Variants in MSH5 observed in about 807,000 individuals in gnomAD.
MSH5 encodes the protein mutS homolog 5.
A neutral mutation model predicts 107.7 loss-of-function variants in MSH5; 78 were observed. The observed-to-expected ratio is 0.72, with a 90% CI of 0.60 to 0.87. MSH5 has a LOEUF of 0.87. MSH5 is among the 40% of genes least tolerant of loss of function. The pLI, the probability that MSH5 is intolerant of heterozygous loss-of-function variation, is 0.00. For synonymous variants in MSH5, 326 were observed against 399.5 expected (o/e 0.82, Z 2.19); for missense variants, 889 against 1,046.6 (o/e 0.85, Z 2.08).
chr6:31,749,287 G>A (rs1048666825), intron 10 of MSH5, among the ~76,000 whole-genome samples: 1 of 152,046 alleles, frequency 6.6e-6, no homozygotes, highest in Non-Finnish European at 1.5e-5. Context: ...CACGCCTGTA[G>A]TCTCAGCATT....
chr6:31,740,529 C>T lies in MSH5; in HGVS notation c.63C>T (p.Ser21=). 1 of 1,545,772 alleles carries T rather than the reference C, an allele frequency of 6.5e-7. No homozygotes were observed. The highest frequency in any genetic ancestry group is 8.7e-7 in the Non-Finnish European group (1 of 1,145,198). ...TPQGPRPGAA[S]SGFPSPAPVP... is the part of the protein sequence containing the mutation. Reference sequence around the variant, plus strand: ...AGGGACCGAGACCTGGGGCGGCCTCCTCCGGCTTCCCCAGCCCGGCCCCAG... The same window carrying T: ...AGGGACCGAGACCTGGGGCGGCCTCTTCCGGCTTCCCCAGCCCGGCCCCAG... Residue 21 remains serine (S), a synonymous_variant, in exon 2 of 25, where the codon TCC becomes TCT. Transcript: ENST00000375750. The surrounding 1 kb of genome is among the most constrained non-coding windows in gnomAD (Gnocchi z 4.4).
At chr6:31,743,281 C>T in intron 5 of MSH5, 111 bp downstream of exon 5, 1 of 1,142,446 alleles carries the variant, frequency 8.8e-7, no homozygotes, top group Non-Finnish European at 1.3e-6. Flanking sequence ...CATCCTAAAC[C>T]TTTGTGCTCC....
In MSH5 at chr6:31,762,205, G is replaced by A; in HGVS notation, c.2393+20G>A. On this transcript the variant is annotated intron_variant, in intron 24 of 24. Transcript: ENST00000375750. ...GGAAAAGTGCGTATATGGCCCCAGT[G>A]TCTTTACCCTCTCTGCATCTTCTCC... The A allele has an allele frequency of 1.9e-6, 3 of 1,612,488 alleles. No individual in the cohort carries two copies. Among genetic ancestry groups the A allele is most frequent in the South Asian group, 2.2e-5 (2 of 91,042 alleles).
At chr6:31,750,006 C>T (rs906691225) in intron 10 of MSH5, among the ~76,000 whole-genome samples, 1 of 152,118 alleles carries the variant, frequency 6.6e-6, no homozygotes, top group Non-Finnish European at 1.5e-5. Flanking sequence ...TTTAATTACC[C>T]ACACATTCTT....
rs1264263506 is a variant in MSH5 at position 31,740,207 on chromosome 6, C to G, written c.-14+145C>G. On this transcript the variant is annotated intron_variant, in intron 1 of 24. Coordinates refer to ENST00000375750, the MANE Select transcript of MSH5 (RefSeq NM_172166.4). The surrounding 1 kb of genome is among the most constrained non-coding windows in gnomAD (Gnocchi z 4.4). The stretch of plus-strand genomic sequence containing the variant: ...CTCGCCCCACAGGGCCCTCAGACCC[C>G]TTCCTTCCAAAGGGTAACCTCCGCG... 1.2e-5 allele frequency: 5 copies of G among 423,390 alleles called. No individual in the cohort carries two copies. Among genetic ancestry groups the G allele is most frequent in the African/African-American group, 2.1e-5 (1 of 48,044 alleles). The allele number at this position is 423,390 out of a possible 1,614,324, so 26.2% of individuals were successfully genotyped here. A position where few individuals can be genotyped will look rare whatever the true frequency, so the allele number is the denominator to read the frequency against.
At position 31,759,045 on chromosome 6, in the gene MSH5, C is replaced by G; in HGVS notation, c.1327-52C>G. ...AGCTCCCTCTAGGGTGGGGAGGTGTCCAGTAAGTCTCCAAGCAGGAGAGTA... is the reference window on the plus strand; with the variant it reads ...AGCTCCCTCTAGGGTGGGGAGGTGTGCAGTAAGTCTCCAAGCAGGAGAGTA... On this transcript the variant is annotated intron_variant, in intron 15 of 24. Coordinates refer to ENST00000375750, the MANE Select transcript of MSH5 (RefSeq NM_172166.4). The surrounding 1 kb of genome is among the most constrained non-coding windows in gnomAD (Gnocchi z 4.7). 6.5e-7 allele frequency: 1 copy of G among 1,545,380 alleles called. No homozygotes were observed. Among genetic ancestry groups the G allele is most frequent in the Non-Finnish European group, 8.9e-7 (1 of 1,118,726 alleles).
chr6:31,743,450 T>C, intron 5 of MSH5: 2 of 527,574 alleles, frequency 3.8e-6, no homozygotes, highest in East Asian at 3.1e-5. Flanking sequence ...GTTGGAATTC[T>C]CCCCATTAAG....
chr6:31,749,542 A>T (rs932615845), intron 10 of MSH5, among the ~76,000 whole-genome samples: 6 of 142,938 alleles, frequency 4.2e-5, no homozygotes, highest in African/African-American at 1.0e-4. Context: ...ATTCTGTCTT[A>T]AAAAAAAAAA....
chr6:31,761,213 C>T lies in MSH5; in HGVS notation c.1988C>T (p.Thr663Ile). The T allele has an allele frequency of 1.9e-6, 3 of 1,613,982 alleles. No homozygotes were observed. Among genetic ancestry groups the T allele is most frequent in the Non-Finnish European group, 2.5e-6 (3 of 1,180,028 alleles). Residue 663 changes from threonine (T) to isoleucine (I), a missense_variant, in exon 21 of 25, where the codon ACT becomes ATT. Physicochemically the swap from Thr to Ile is moderately conservative, Grantham distance 89. Around this residue, in one of 3 missense-constraint regions of MSH5, gnomAD observed 362 missense variants for 456.2 expected, o/e 0.79. Coordinates refer to ENST00000375750, the MANE Select transcript of MSH5 (RefSeq NM_172166.4). The surrounding 1 kb of genome is among the most constrained non-coding windows in gnomAD (Gnocchi z 5.3). Reference sequence around the variant, plus strand: ...GTGGCGAAAGCAGTGAACAATGCCACTGCACAGTCGCTGGTCCTTATTGAT... The same window carrying T: ...GTGGCGAAAGCAGTGAACAATGCCATTGCACAGTCGCTGGTCCTTATTGAT... Reference protein sequence around the residue: ...NQVAKAVNNATAQSLVLIDEF... With the variant: ...NQVAKAVNNAIAQSLVLIDEF...
chr6:31,757,576 T>C (rs991015326), intron 12 of MSH5: 1 of 153,160 alleles, frequency 6.5e-6, no homozygotes, highest in African/African-American at 2.4e-5. Context: ...CAACCCTCTA[T>C]CAAAGCACCT....
Position 31,744,379 on chromosome 6 carries a change from T to C in MSH5, c.647+80T>C, listed in dbSNP as rs991305446. 16 of 1,591,702 alleles carry C rather than the reference T, an allele frequency of 1.0e-5. No homozygotes were observed. The African/African-American group carries it at 2.2e-4, about 21-fold the overall frequency. ...AAGTAAAGTGGGGGTGGGGTGTGGA[T>C]GTGGCTGTGACCCAGTGGGTCAAGT... On this transcript the variant is annotated intron_variant, in intron 7 of 24. Transcript: ENST00000375750.
Position 31,743,111 on chromosome 6 carries a change from C to G in MSH5, c.356C>G (p.Ser119Cys). The G allele has an allele frequency of 6.2e-7, 1 of 1,613,006 alleles. No individual in the cohort carries two copies. Among genetic ancestry groups the G allele is most frequent in the Non-Finnish European group, 8.5e-7 (1 of 1,180,010 alleles). Residue 119 changes from serine to cysteine, a missense_variant, in exon 5 of 25, where the codon TCC (serine) becomes TGC (cysteine). By Grantham distance (112) the Ser-to-Cys change is moderately radical (BLOSUM62 -1). This residue lies in a region of MSH5 where 518 missense variants were observed against 565.0 expected (regional missense o/e 0.92). Coordinates refer to ENST00000375750, the MANE Select transcript of MSH5 (RefSeq NM_172166.4). ...NMTRFLGKLA[S>C]QEHREPKRPE... is the part of the protein sequence containing the mutation. The stretch of plus-strand genomic sequence containing the variant: ...CCTTTTCTTTCCTCCCCCACAGCCT[C>G]CCAGGAGCACAGAGAGCCTAAAAGA...
Position 31,761,795 on chromosome 6 carries a change from ACTGT to A in MSH5, c.2182-20_2182-17del. 1 of 1,613,018 alleles carries A rather than the reference ACTGT, an allele frequency of 6.2e-7. No homozygotes were observed. Among genetic ancestry groups the A allele is most frequent in the Non-Finnish European group, 8.5e-7 (1 of 1,180,010 alleles). ...ACAGGAAGGAGGTGATTGATGATAC[ACTGT>A]CTTTTATTCTCTTTTAAGACCATGG... On this transcript the variant is annotated intron_variant, in intron 22 of 24. Coordinates refer to ENST00000375750, the MANE Select transcript of MSH5 (RefSeq NM_172166.4). The surrounding 1 kb of genome is among the most constrained non-coding windows in gnomAD (Gnocchi z 5.3).
rs765777525 is a variant in MSH5 at position 31,745,286 on chromosome 6, G to T, written c.733G>T (p.Ala245Ser). ...SESHPSVYKV[A>S]SGLKEGLSLF... ...GTCTCACCCCTCAGTGTACAAAGTG[G>T]CCAGTGGACTGAAGGAGGGGCTCAG... Residue 245 changes from alanine (A) to serine (S), a missense_variant, in exon 9 of 25, where the codon GCC (alanine) becomes TCC (serine). Coordinates refer to ENST00000375750, the MANE Select transcript of MSH5 (RefSeq NM_172166.4). 1 of 1,613,550 alleles carries T rather than the reference G, an allele frequency of 6.2e-7. No homozygotes were observed. Among genetic ancestry groups the T allele is most frequent in the South Asian group, 1.1e-5 (1 of 91,060 alleles).
chr6:31,746,916 G>A (rs879470363), intron 9 of MSH5, among the ~76,000 whole-genome samples: 17 of 152,112 alleles, frequency 1.1e-4, no homozygotes, highest in East Asian at 1.9e-4. Context: ...TCTGCCTCCC[G>A]GGTTCATGCC....
intron 3 of MSH5, 134 bp downstream of exon 3, chr6:31,741,420 C>T (rs911126628): frequency 7.2e-6 from 9 of 1,257,284 alleles, no homozygotes; most frequent in African/African-American, 1.5e-5. Context: ...GCTCTGTTAC[C>T]CAGGCTCAAG....
At chr6:31,756,018 T>TAGTTCTAG (rs1191877601) in intron 12 of MSH5, among the ~76,000 whole-genome samples, 10 of 152,032 alleles carry the variant, frequency 6.6e-5, no homozygotes, top group Non-Finnish European at 1.3e-4. Context: ...AATTAATATT[T>TAGTTCTAG]AGTTCTAGAA....
chr6:31,749,429 C>T (rs1352482459), intron 10 of MSH5, among the ~76,000 whole-genome samples: 1 of 151,974 alleles, frequency 6.6e-6, no homozygotes, highest in African/African-American at 2.4e-5. Context: ...CTAGTACCAG[C>T]TACTCAGGAG....
chr6:31,762,291 CCCA>C, intron 24 of MSH5, 106 bp downstream of exon 24: 1 of 1,404,756 alleles, frequency 7.1e-7, no homozygotes, highest in Admixed American at 1.7e-5. Context: ...CCTTCAGAAA[CCCA>C]CCATTTCTTT....
Sources: gnomAD v4.1 joint callset for allele counts (sites outside exome capture counted in the v4.1 genomes callset) on GRCh38, gnomAD v4.1.1 for gene constraint, gnomAD v4.1.1 regional missense constraint, Gnocchi (gnomAD v3.1) non-coding constraint, MANE v1.5 for transcripts, NCBI Gene and HGNC (gene_info 2026-07-23, HGNC 2026-07-21) for gene names.